The following THOC2 variants were observed in gnomAD, a reference collection of about 807,000 sequenced individuals.
The protein encoded by THOC2 is THO complex subunit 2, also known as THO complex 2.
THOC2 carries 10 observed loss-of-function variants against 128.4 expected under a neutral mutation model. That is an observed-to-expected ratio of 0.08 (90% CI 0.05 to 0.13). THOC2 has a LOEUF of 0.13. Ranked by LOEUF, THOC2 falls within the 10% of genes least tolerant of loss-of-function variation. The pLI, the probability that THOC2 is intolerant of heterozygous loss-of-function variation, is 1.00. For synonymous variants in THOC2, 393 were observed against 396.9 expected (o/e 0.99, Z 0.12); for missense variants, 535 against 1,155.7 (o/e 0.46, Z 7.79).
chrX:123,691,125 T>C (rs1182062120), intron 7 of THOC2, among the ~76,000 whole-genome samples: 6 of 111,673 alleles, frequency 5.4e-5, no homozygotes, highest in African/African-American at 2.0e-4. Flanking sequence ...GGTGGGAGGA[T>C]GGCTTGAGTC....
Position 123,665,852 on chromosome X carries a change from AAAAT to A in THOC2, c.1191-19_1191-16del, listed in dbSNP as rs778486573. The A allele has an allele frequency of 2.4e-3, 2,244 of 951,462 alleles. 1 individual carries two copies. The highest frequency in any genetic ancestry group is 2.8e-3 in the Non-Finnish European group (2,019 of 717,116). 78.4% of individuals were successfully genotyped at this position (951,462 alleles called of 1,213,427 possible). A position where few individuals can be genotyped will look rare whatever the true frequency, so the allele number is the denominator to read the frequency against. On this transcript the variant is annotated splice_polypyrimidine_tract_variant and intron_variant, in intron 11 of 38. Coordinates refer to ENST00000245838, the MANE Select transcript of THOC2 (RefSeq NM_001081550.2). ...GAACTCCAACTCTATTTTAAAAAGT[AAAAT>A]AAATAAATAAACAAATAAATAAGTA...
chrX:123,651,073 G>A (rs771175007), intron 12 of THOC2, among the ~76,000 whole-genome samples: 1 of 111,457 alleles, frequency 9.0e-6, no homozygotes, highest in Non-Finnish European at 1.9e-5. Flanking sequence ...AGACTCCTCA[G>A]GACATGCAAA....
At chrX:123,694,001 T>C (rs1231385235) in intron 7 of THOC2, among the ~76,000 whole-genome samples, 1 of 110,503 alleles carries the variant, frequency 9.0e-6, no homozygotes, top group African/African-American at 3.3e-5. Context: ...TCCCTGAGAG[T>C]AAAGTTCAAG....
In THOC2 at chrX:123,621,587, G is replaced by T; in HGVS notation, c.3786C>A (p.Ser1262Arg). 1.8e-6 allele frequency: 2 copies of T among 1,090,987 alleles called. No individual in the cohort carries two copies. Among genetic ancestry groups the T allele is most frequent in the Non-Finnish European group, 1.2e-6 (1 of 818,084 alleles). The allele number at this position is 1,090,987 out of a possible 1,213,427, so 89.9% of individuals were successfully genotyped here. The change falls in exon 31 of 39, where the codon AGC becomes AGA. Residue 1262 changes from serine to arginine, a missense_variant and splice_region_variant. By Grantham distance (110) the Ser-to-Arg change is moderately radical. This residue lies in a region of THOC2 where 116 missense variants were observed against 180.0 expected (regional missense o/e 0.64). Coordinates refer to ENST00000245838, the MANE Select transcript of THOC2 (RefSeq NM_001081550.2). Reference protein sequence around the residue: ...NSSNGNSGSNSNKAVKENDKE... With the variant: ...NSSNGNSGSNRNKAVKENDKE... The stretch of plus-strand genomic sequence containing the variant: ...TGTCATTTTCTTTAACAGCTTTGTT[G>T]CTTAAGAATAAAAACATGGGATTTT...
intron 4 of THOC2, among the ~76,000 whole-genome samples, chrX:123,701,481 TG>T (rs1464664898): frequency 1.8e-5 from 2 of 111,082 alleles, no homozygotes; most frequent in Non-Finnish European, 3.8e-5. Context: ...TAAATAACTA[TG>T]AAGGGAAAAA....
Position 123,615,028 on chromosome X carries a change from C to T in THOC2, c.4312-839G>A, listed in dbSNP as rs182975805. Among the ~76,000 whole-genome samples, 7 of 111,682 alleles carry T rather than the reference C, an allele frequency of 6.3e-5. No homozygotes were observed. In the East Asian group the frequency reaches 2.0e-3, roughly 31 times the overall value. ...GGTGAGTTGTAAATATGGAAATATG[C>T]TGTAACATAAAATATTTAGGAAGTA... On this transcript the variant is annotated intron_variant, in intron 33 of 38. Transcript: ENST00000245838.
At position 123,661,360 on chromosome X, in the gene THOC2, G is replaced by A. The variant is rs181291118; in HGVS notation, c.1386+4282C>T. Reference sequence around the variant, plus strand: ...GCGGAGGTTGCAGTGAGCCGAGGTCGCGCCATTGCACTCCAGCCTGGGCGA... The same window carrying A: ...GCGGAGGTTGCAGTGAGCCGAGGTCACGCCATTGCACTCCAGCCTGGGCGA... On this transcript the variant is annotated intron_variant, in intron 12 of 38. Coordinates refer to ENST00000245838, the MANE Select transcript of THOC2 (RefSeq NM_001081550.2). 3.8e-3 allele frequency among the ~76,000 whole-genome samples: 418 copies of A among 110,256 alleles called. 2 individuals carry two copies. The highest frequency in any genetic ancestry group is 0.013 in the African/African-American group (387 of 30,271).
At chrX:123,720,303 C>A (rs2051633675) in intron 1 of THOC2, among the ~76,000 whole-genome samples, 1 of 109,847 alleles carries the variant, frequency 9.1e-6, no homozygotes, top group African/African-American at 3.3e-5. Flanking sequence ...TAAAAATTAG[C>A]GGGTCATGGT....
chrX:123,717,914 G>A (rs1050275617), intron 1 of THOC2, among the ~76,000 whole-genome samples: 6 of 112,240 alleles, frequency 5.3e-5, no homozygotes, highest in African/African-American at 1.3e-4. Context: ...CCGCATCTGC[G>A]GATTCAACCA....
intron 17 of THOC2, 86 bp from the exon 18 acceptor site, chrX:123,638,209 T>C: frequency 1.9e-6 from 1 of 531,686 alleles, no homozygotes; most frequent in Middle Eastern, 5.9e-4. Flanking sequence ...AGGGGCAAAA[T>C]TGTTGGTCAT....
chrX:123,678,334 C>T (rs909832355), intron 8 of THOC2, among the ~76,000 whole-genome samples: 9 of 105,268 alleles, frequency 8.5e-5, no homozygotes, highest in African/African-American at 1.4e-4. Context: ...GGCACGATCT[C>T]GGCTCACTGC....
intron 2 of THOC2, among the ~76,000 whole-genome samples, chrX:123,709,055 G>A (rs1249387412): frequency 4.5e-5 from 5 of 111,993 alleles, no homozygotes; most frequent in East Asian, 2.8e-4. Flanking sequence ...CCTAATTCAC[G>A]AGTTTTCTAA....
Position 123,644,724 on chromosome X carries a change from G to A in THOC2, c.1560-48C>T, listed in dbSNP as rs954486543. 25 of 1,159,085 alleles carry A rather than the reference G, an allele frequency of 2.2e-5. No homozygotes were observed. In the African/African-American group the frequency reaches 3.1e-4, roughly 14 times the overall value. The stretch of plus-strand genomic sequence containing the variant: ...AATTAGGAAAAGTTAAACACTTAGA[G>A]GTTAATATACTAGAATTACTAATAG... On this transcript the variant is annotated intron_variant, in intron 14 of 38. Coordinates refer to ENST00000245838, the MANE Select transcript of THOC2 (RefSeq NM_001081550.2).
chrX:123,706,729 T>G, intron 3 of THOC2, 129 bp downstream of exon 3: 1 of 317,726 alleles, frequency 3.1e-6, no homozygotes. Flanking sequence ...GTTAAAAAAA[T>G]AAAATTTTAA....
intron 38 of THOC2, among the ~76,000 whole-genome samples, chrX:123,608,728 C>T (rs889314416): frequency 3.6e-5 from 4 of 111,834 alleles, no homozygotes; most frequent in Admixed American, 9.5e-5. Flanking sequence ...GGCAAAACAG[C>T]GAGACTTCTT....
At chrX:123,665,505 A>G (rs2049013630) in intron 12 of THOC2, 137 bp downstream of exon 12, 1 of 416,727 alleles carries the variant, frequency 2.4e-6, no homozygotes, top group Non-Finnish European at 4.0e-6. Context: ...ACACACTGGA[A>G]TTTTCCACAA....
chrX:123,641,815 G>A (rs377663672), intron 15 of THOC2, among the ~76,000 whole-genome samples: 1 of 111,871 alleles, frequency 8.9e-6, no homozygotes, highest in Non-Finnish European at 1.9e-5. Flanking sequence ...ATTACTAAAT[G>A]CCCTATAGCA....
chrX:123,625,520 CTTTTTTTT>C (rs754470330), intron 25 of THOC2, among the ~76,000 whole-genome samples: 1 of 96,859 alleles, frequency 1.0e-5, no homozygotes, highest in Non-Finnish European at 2.1e-5. Flanking sequence ...ACTTTTTTGT[CTTTTTTTT>C]TTTTTTTGAG....
At chrX:123,654,537 C>T (rs1054293609) in intron 12 of THOC2, among the ~76,000 whole-genome samples, 2 of 107,214 alleles carry the variant, frequency 1.9e-5, no homozygotes, top group Non-Finnish European at 3.8e-5. Context: ...CCACGGATCA[C>T]GAGGTCAGGA....
Sources: allele counts gnomAD v4.1 joint callset (sites outside exome capture counted in the v4.1 genomes callset), GRCh38; gene constraint gnomAD v4.1.1; regional missense constraint gnomAD v4.1.1; transcripts MANE v1.5; gene names NCBI Gene and HGNC (gene_info 2026-07-23, HGNC 2026-07-21).